SEMA5B: variants seen among roughly 807,000 people sequenced by gnomAD.
SEMA5B encodes semaphorin 5B.
SEMA5B carries 66 observed loss-of-function variants against 135.0 expected under a neutral mutation model. That is an observed-to-expected ratio of 0.49 (90% CI 0.40 to 0.60). The LOEUF is 0.60. Among genes scored for constraint, SEMA5B ranks in the 20% least tolerant of loss-of-function variants. The probability of loss-of-function intolerance (pLI) is 0.00; values close to 1 mark genes in which losing one functional copy is unlikely to be tolerated. For missense variants in SEMA5B, 1,501 were observed against 1,566.3 expected (o/e 0.96, Z 0.70); for synonymous variants, 690 against 639.5 (o/e 1.08, Z -1.19).
intron 1 of SEMA5B, among the ~76,000 whole-genome samples, chr3:122,966,390 C>G (rs1180296242): frequency 2.0e-5 from 3 of 152,132 alleles, no homozygotes; most frequent in Non-Finnish European, 4.4e-5. Context: ...AGAATAGTCC[C>G]AGAAGTCTGT....
At chr3:122,983,710 T>TC (rs141897671) in intron 1 of SEMA5B, among the ~76,000 whole-genome samples, 22,898 of 82,564 alleles carry the variant, frequency 0.28, 5,092 homozygotes, top group African/African-American at 0.65. Context: ...AGAGCGAGAC[T>TC]CGTCTCAAAA....
chr3:122,923,876 C>CACA, intron 9 of SEMA5B, 124 bp from the exon 10 acceptor site: 1 of 900,188 alleles, frequency 1.1e-6, no homozygotes, highest in Non-Finnish European at 1.7e-6. Flanking sequence ...ATGTGTCTGG[C>CACA]ACATGGGGGG....
In SEMA5B at chr3:122,923,685, G is replaced by A; in HGVS notation, c.1204C>T (p.Pro402Ser). The A allele has an allele frequency of 6.2e-7, 1 of 1,614,076 alleles. No homozygotes were observed. Among genetic ancestry groups the A allele is most frequent in the Non-Finnish European group, 8.5e-7 (1 of 1,179,950 alleles). The change falls in exon 10 of 23, where the codon CCA (proline) becomes TCA (serine). Residue 402 changes from proline (P) to serine (S), a missense_variant. Transcript: ENST00000357599. ...CTGGGGTTCTCCTGGTAGCGAAATG[G>A]GCCATTGAAAGCCTGGGAGATAGCA... Reference protein sequence around the residue: ...LSAISQAFNGPFRYQENPRAA... With the variant: ...LSAISQAFNGSFRYQENPRAA...
At chr3:122,930,589 C>T (rs950698891) in intron 5 of SEMA5B, among the ~76,000 whole-genome samples, 6 of 152,194 alleles carry the variant, frequency 3.9e-5, no homozygotes, top group Admixed American at 1.3e-4. Context: ...CTGCGAGGAC[C>T]GCATGAGCAA....
intron 5 of SEMA5B, among the ~76,000 whole-genome samples, chr3:122,937,269 G>C (rs1381092801): frequency 6.6e-6 from 1 of 152,194 alleles, no homozygotes; most frequent in Non-Finnish European, 1.5e-5. Context: ...CAAAGCTCCC[G>C]GAGAGGGCAC....
At position 122,910,384 on chromosome 3, in the gene SEMA5B, C is replaced by A. The variant is rs565337913; in HGVS notation, c.3298-83G>T. On this transcript the variant is annotated intron_variant, in intron 22 of 22. Coordinates refer to ENST00000357599, the MANE Select transcript of SEMA5B (RefSeq NM_001031702.4). ...CAGGCCAGAGCAAGGAGTCCAGAAG[C>A]CAGCCGTGCAAGAACACTCAGACTG... is the stretch of plus-strand genomic sequence containing the variant. 9 of 1,445,320 alleles carry A rather than the reference C, an allele frequency of 6.2e-6. No individual in the cohort carries two copies. The East Asian group carries it at 1.6e-4, about 26-fold the overall frequency. 89.5% of individuals were successfully genotyped at this position (1,445,320 alleles called of 1,614,324 possible).
chr3:122,916,154 C>T lies in SEMA5B; in HGVS notation c.1689-264G>A, dbSNP rs146558307. Among the ~76,000 whole-genome samples, 53 of 152,288 alleles carry T rather than the reference C, an allele frequency of 3.5e-4. 1 individual carries two copies. The highest frequency in any genetic ancestry group is 1.3e-3 in the African/African-American group (53 of 41,546). On this transcript the variant is annotated intron_variant, in intron 12 of 22. Transcript: ENST00000357599. ...ATCTGGGGGAAACCCAGTGACCTGA[C>T]CCAGGACTCAAACCCTCATCCTCCA...
intron 1 of SEMA5B, among the ~76,000 whole-genome samples, chr3:123,024,944 T>C (rs1317994983): frequency 6.6e-6 from 1 of 152,212 alleles, no homozygotes; most frequent in Non-Finnish European, 1.5e-5. Flanking sequence ...CTGCCCTCTG[T>C]AGGCATTTGA....
chr3:123,028,035 G>A (rs1458655241), upstream of SEMA5B, among the ~76,000 whole-genome samples: 3 of 152,118 alleles, frequency 2.0e-5, no homozygotes, highest in Non-Finnish European at 2.9e-5. Flanking sequence ...GCATTCCGGC[G>A]GCAAGACCTA....
rs185585361 is a variant in SEMA5B, at chr3:122,965,324, C to T, written c.-38-4023G>A. Among the ~76,000 whole-genome samples the T allele has an allele frequency of 2.1e-3, 324 of 152,348 alleles. 1 individual carries two copies. Among genetic ancestry groups the T allele is most frequent in the Non-Finnish European group, 4.1e-3 (282 of 68,040 alleles). The stretch of plus-strand genomic sequence containing the variant: ...GCAATGTTCCCAGCCTCAGGTGAGA[C>T]ACTTGCTTCTTCAGCCTCTTTTGAA... On this transcript the variant is annotated intron_variant, in intron 1 of 22. Coordinates refer to ENST00000357599, the MANE Select transcript of SEMA5B (RefSeq NM_001031702.4).
At chr3:122,916,027 G>A (rs2107620025) in intron 12 of SEMA5B, 137 bp from the exon 13 acceptor site, 1 of 668,512 alleles carries the variant, frequency 1.5e-6, no homozygotes, top group Non-Finnish European at 2.7e-6. Flanking sequence ...AAGTTCATTG[G>A]GCCTTTACTG....
At chr3:123,010,766 C>T (rs9859222) in intron 1 of SEMA5B, among the ~76,000 whole-genome samples, 40,147 of 145,370 alleles carry the variant, frequency 0.28, 10,646 homozygotes, top group African/African-American at 0.7. Context: ...GCTGAGATTG[C>T]GCCACTGCAC....
intron 5 of SEMA5B, among the ~76,000 whole-genome samples, chr3:122,936,993 G>A (rs562981559): frequency 3.2e-4 from 49 of 152,330 alleles, no homozygotes; most frequent in African/African-American, 8.9e-4. Context: ...TTTTCTTTAC[G>A]TAATGTTAAT....
At chr3:122,989,557 T>C (rs927484436) in intron 1 of SEMA5B, among the ~76,000 whole-genome samples, 2 of 152,224 alleles carry the variant, frequency 1.3e-5, no homozygotes, top group African/African-American at 4.8e-5. Flanking sequence ...TCTCTGTCTC[T>C]ATTCCACTTT....
At chr3:122,980,798 C>T (rs946845958) in intron 1 of SEMA5B, among the ~76,000 whole-genome samples, 3 of 152,136 alleles carry the variant, frequency 2.0e-5, no homozygotes, top group African/African-American at 7.2e-5. Flanking sequence ...AAACTCTACC[C>T]ATTAAACAGT....
At chr3:122,922,868 G>C (rs1012985469) in intron 10 of SEMA5B, among the ~76,000 whole-genome samples, 141 of 71,892 alleles carry the variant, frequency 2.0e-3, no homozygotes, top group Non-Finnish European at 4.8e-4. Context: ...CTAAACCAAA[G>C]CTGGAAGCCT....
At chr3:122,963,267 T>C (rs1940669300) in intron 1 of SEMA5B, among the ~76,000 whole-genome samples, 1 of 151,924 alleles carries the variant, frequency 6.6e-6, no homozygotes, top group South Asian at 2.1e-4. Flanking sequence ...GAGGCCGAGG[T>C]GGGCAGATCA....
At chr3:122,937,908 G>A (rs907654341) in intron 5 of SEMA5B, among the ~76,000 whole-genome samples, 12 of 152,228 alleles carry the variant, frequency 7.9e-5, no homozygotes, top group African/African-American at 2.2e-4. Flanking sequence ...ACTTCCTCCC[G>A]CCCACTTTGA....
At position 122,963,090 on chromosome 3, in the gene SEMA5B, C is replaced by G. The variant is rs184187977; in HGVS notation, c.-38-1789G>C. ...AGCTGCATCCCTCCTACATACTCAACGAGATGAGCAGACAGCACCAGGGGC... is the reference window on the plus strand; with the variant it reads ...AGCTGCATCCCTCCTACATACTCAAGGAGATGAGCAGACAGCACCAGGGGC... On this transcript the variant is annotated intron_variant, in intron 1 of 22. Coordinates refer to ENST00000357599, the MANE Select transcript of SEMA5B (RefSeq NM_001031702.4). Among the ~76,000 whole-genome samples the G allele has an allele frequency of 2.0e-3, 305 of 152,280 alleles. 5 individuals are homozygous for G. The highest frequency in any genetic ancestry group is 1.9e-3 in the Non-Finnish European group (127 of 68,014).
Sources: allele counts gnomAD v4.1 joint callset (sites outside exome capture counted in the v4.1 genomes callset), GRCh38; gene constraint gnomAD v4.1.1; transcripts MANE v1.5; gene names NCBI Gene and HGNC (gene_info 2026-07-23, HGNC 2026-07-21).